Variants in GLB1L2 observed in about 807,000 individuals in gnomAD.
GLB1L2 encodes the protein beta-galactosidase-1-like protein 2.
GLB1L2 carries 68 observed loss-of-function variants against 84.1 expected under a neutral mutation model. That is an observed-to-expected ratio of 0.81 (90% confidence interval 0.67 to 0.99). The LOEUF (loss-of-function observed/expected upper bound fraction) is 0.99, where lower values mean the gene tolerates loss of function less well. Among genes scored for constraint, GLB1L2 ranks in the 50% least tolerant of loss-of-function variants. The pLI is 0.00. For synonymous variants in GLB1L2, 290 were observed against 318.0 expected (o/e 0.91, Z 0.94); for missense variants, 762 against 805.6 (o/e 0.95, Z 0.66).
chr11:134,355,591 C>G (rs1469963793), intron 5 of GLB1L2, among the ~76,000 whole-genome samples: 2 of 152,198 alleles, frequency 1.3e-5, no homozygotes, highest in Admixed American at 1.3e-4. Context: ...TACCTCCCCT[C>G]CCTGGTCGCT....
chr11:134,359,381 A>G (rs1007189477), intron 7 of GLB1L2, among the ~76,000 whole-genome samples: 4 of 152,134 alleles, frequency 2.6e-5, no homozygotes, highest in African/African-American at 9.7e-5. Flanking sequence ...CTCGGGCTCC[A>G]AGGGCACTCT....
Position 134,374,586 on chromosome 11 carries a change from T to A in GLB1L2, c.1708-16T>A, listed in dbSNP as rs1015856551. On this transcript the variant is annotated splice_polypyrimidine_tract_variant and intron_variant, in intron 17 of 18. Coordinates refer to ENST00000535456, the MANE Select transcript of GLB1L2 (RefSeq NM_001370461.1). ...GGCTCTCGTGGTAGATGAACACCCT[T>A]CCCCTCTGTTTCAAGGGCTGGGAGA... 2 of 1,593,742 alleles carry A rather than the reference T, an allele frequency of 1.3e-6. No homozygotes were observed. Among genetic ancestry groups the A allele is most frequent in the African/African-American group, 2.7e-5 (2 of 74,504 alleles).
At chr11:134,345,267 G>A in intron 4 of GLB1L2, 138 bp downstream of exon 4, 2 of 1,101,818 alleles carry the variant, frequency 1.8e-6, no homozygotes, top group African/African-American at 3.2e-5. Context: ...TTCCTTTTCA[G>A]GAAAAGCAGC....
chr11:134,367,120 A>G (rs751008032), intron 8 of GLB1L2, 137 bp from the exon 9 acceptor site: 10 of 797,220 alleles, frequency 1.3e-5, no homozygotes, highest in Non-Finnish European at 1.9e-5. Context: ...CCCCACCTCC[A>G]AAGACCTCTA....
intron 8 of GLB1L2, among the ~76,000 whole-genome samples, chr11:134,366,295 C>A (rs1480592952): frequency 1.3e-5 from 2 of 152,370 alleles, no homozygotes; most frequent in Admixed American, 1.3e-4. Flanking sequence ...GAAAACCAAG[C>A]CGCCAGTCTT....
chr11:134,368,987 C>T (rs1214283378), intron 10 of GLB1L2, among the ~76,000 whole-genome samples: 2 of 152,180 alleles, frequency 1.3e-5, no homozygotes, highest in African/African-American at 2.4e-5. Flanking sequence ...GAGCTGGTCA[C>T]TCTACAGAGA....
chr11:134,353,950 A>T (rs1370265986), intron 5 of GLB1L2, among the ~76,000 whole-genome samples: 1 of 152,188 alleles, frequency 6.6e-6, no homozygotes, highest in Non-Finnish European at 1.5e-5. Flanking sequence ...TGTCTTGTAG[A>T]TAGTATATAG....
chr11:134,338,400 C>T lies in GLB1L2; in HGVS notation c.87-4354C>T, dbSNP rs1388956850. 6.6e-6 allele frequency among the ~76,000 whole-genome samples: 1 copy of T among 152,178 alleles called. No homozygotes were observed. Among genetic ancestry groups the T allele is most frequent in the Non-Finnish European group, 1.5e-5 (1 of 68,026 alleles). On this transcript the variant is annotated intron_variant, in intron 1 of 18. Transcript: ENST00000535456. The surrounding 1 kb of genome is among the most constrained non-coding windows in gnomAD (Gnocchi z 6.2). ...GGATCTGGCTCACCTCCCACCCAGC[C>T]GCCCTGCAAGATCCCCTCTGAAACT...
intron 2 of GLB1L2, among the ~76,000 whole-genome samples, chr11:134,343,506 C>A (rs1943501047): frequency 6.6e-6 from 1 of 152,212 alleles, no homozygotes; most frequent in South Asian, 2.1e-4. Context: ...AAATTGCCAA[C>A]TGATACTTGA....
chr11:134,374,308 G>A, intron 17 of GLB1L2, 52 bp downstream of exon 17: 1 of 1,398,290 alleles, frequency 7.2e-7, no homozygotes, highest in Non-Finnish European at 1.0e-6. Flanking sequence ...TCCCGCCTTG[G>A]AGGGCTCTGA....
intron 3 of GLB1L2, 140 bp downstream of exon 3, chr11:134,344,595 C>T: frequency 1.9e-6 from 2 of 1,046,924 alleles, no homozygotes; most frequent in East Asian, 4.7e-5. Flanking sequence ...GCCCTGCACC[C>T]AGGACCCAGA....
chr11:134,335,333 C>T (rs145617498), intron 1 of GLB1L2, among the ~76,000 whole-genome samples: 22 of 152,024 alleles, frequency 1.4e-4, no homozygotes, highest in Admixed American at 3.9e-4. Context: ...ATTTTATGGG[C>T]CTTGCCTATT....
At position 134,374,267 on chromosome 11, in the gene GLB1L2, C is replaced by T. The variant is rs753370945; in HGVS notation, c.1707+11C>T. 1 of 1,573,478 alleles carries T rather than the reference C, an allele frequency of 6.4e-7. No individual in the cohort carries two copies. The highest frequency in any genetic ancestry group is 8.7e-7 in the Non-Finnish European group (1 of 1,142,962). The stretch of plus-strand genomic sequence containing the variant: ...TTTCTGAAGCTGGAGGTTGGTAACG[C>T]CCTTTTCCCTGCCAGTTTCTCCCAC... On this transcript the variant is annotated intron_variant, in intron 17 of 18. Transcript: ENST00000535456.
intron 16 of GLB1L2, 146 bp from the exon 17 acceptor site, chr11:134,373,999 A>G: frequency 1.4e-6 from 1 of 735,402 alleles, no homozygotes; most frequent in Admixed American, 2.4e-5. Context: ...AATTCCCAGC[A>G]TCCTACCGTG....
chr11:134,359,272 G>A, intron 7 of GLB1L2, 131 bp downstream of exon 7: 1 of 616,768 alleles, frequency 1.6e-6, no homozygotes, highest in Non-Finnish European at 2.8e-6. Context: ...ATATGGCACT[G>A]GGCTGCAGAC....
intron 17 of GLB1L2, 89 bp from the exon 18 acceptor site, chr11:134,374,513 C>G (rs1943999480): frequency 1.9e-6 from 2 of 1,070,300 alleles, no homozygotes; most frequent in Non-Finnish European, 2.9e-6. Context: ...CTTTGGTCTC[C>G]TGGACCTGAG....
chr11:134,368,899 A>G, intron 10 of GLB1L2, 118 bp downstream of exon 10: 3 of 1,062,050 alleles, frequency 2.8e-6, no homozygotes, highest in Non-Finnish European at 2.7e-6. Flanking sequence ...GCAATAGAGT[A>G]CCTGGAGAAG....
intron 1 of GLB1L2, among the ~76,000 whole-genome samples, chr11:134,332,698 G>A (rs370351769): frequency 5.6e-4 from 85 of 152,276 alleles, no homozygotes; most frequent in Admixed American, 1.1e-3. Context: ...TGCACAGTAG[G>A]ACTGATAGGT....
intron 7 of GLB1L2, among the ~76,000 whole-genome samples, 184 bp downstream of exon 7, chr11:134,359,325 G>A (rs906881825): frequency 1.3e-5 from 2 of 152,370 alleles, no homozygotes; most frequent in East Asian, 3.9e-4. Flanking sequence ...GTGAGAGATT[G>A]TGGTGCGTGG....
Sources: gnomAD v4.1 joint callset for allele counts (sites outside exome capture counted in the v4.1 genomes callset) on GRCh38, gnomAD v4.1.1 for gene constraint, Gnocchi (gnomAD v3.1) non-coding constraint, MANE v1.5 for transcripts, NCBI Gene and HGNC (gene_info 2026-07-23, HGNC 2026-07-21) for gene names.